The following TK2 variants were observed in gnomAD, a reference collection of about 807,000 sequenced individuals.
The protein encoded by TK2 is thymidine kinase 2.
A neutral mutation model predicts 41.9 loss-of-function variants in TK2; 35 were observed. The ratio of observed to expected loss-of-function variants is 0.84; its 90% CI spans 0.64 to 1.11. The LOEUF is 1.11. TK2 is among the 50% of genes least tolerant of loss of function. The probability of loss-of-function intolerance (pLI) is 0.00; values close to 1 mark genes in which losing one functional copy is unlikely to be tolerated. For missense variants in TK2, 320 were observed against 351.1 expected, an observed-to-expected ratio of 0.91 and a Z score of 0.71; for synonymous variants, 128 against 129.1, an observed-to-expected ratio of 0.99 and a Z score of 0.06.
intron 5 of TK2, 71 bp downstream of exon 5, chr16:66,531,309 T>A: frequency 6.7e-7 from 1 of 1,481,806 alleles, no homozygotes; most frequent in African/African-American, 1.4e-5. Flanking sequence ...AAGTTTCCCT[T>A]CCTGGCAATC....
intron 5 of TK2, among the ~76,000 whole-genome samples, chr16:66,529,710 C>A (rs1374794296): frequency 1.3e-5 from 2 of 152,204 alleles, no homozygotes; most frequent in Non-Finnish European, 2.9e-5. Context: ...CACACTAACA[C>A]TACTCTCACT....
intron 3 of TK2, 106 bp from the exon 4 acceptor site, chr16:66,537,123 A>G: frequency 6.6e-7 from 1 of 1,510,784 alleles, no homozygotes; most frequent in Non-Finnish European, 9.1e-7. Flanking sequence ...AAGAGAGAAA[A>G]AGACTATCCA....
At position 66,531,454 on chromosome 16, in the gene TK2, C is replaced by T. The variant is rs148450491; in HGVS notation, c.301G>A (p.Asp101Asn). The change falls in exon 5 of 10, where the codon GAT becomes AAT. Residue 101 changes from aspartate to asparagine, a missense_variant. Physicochemically the swap from Asp to Asn is conservative, Grantham distance 23. Coordinates refer to ENST00000544898, the MANE Select transcript of TK2 (RefSeq NM_004614.5). Reference protein sequence around the residue: ...GHNPLGLMYHDASRWGLTLQT... With the variant: ...GHNPLGLMYHNASRWGLTLQT... ...AGCGTAAGACCCCAGCGAGAGGCAT[C>T]GTGGTACATCAGGCCCTGCAGAAGG... 8.9e-5 allele frequency: 144 copies of T among 1,614,130 alleles called. No individual in the cohort carries two copies. In the East Asian group the frequency reaches 2.3e-3, roughly 26 times the overall value.
At chr16:66,542,989 C>A (rs1261123092) in intron 2 of TK2, among the ~76,000 whole-genome samples, 1 of 152,210 alleles carries the variant, frequency 6.6e-6, no homozygotes, top group Non-Finnish European at 1.5e-5. Context: ...TCTCCTGCCT[C>A]AGCCTCCCGA....
At chr16:66,528,763 C>A (rs578176334) in intron 6 of TK2, among the ~76,000 whole-genome samples, 1 of 152,174 alleles carries the variant, frequency 6.6e-6, no homozygotes, top group Non-Finnish European at 1.5e-5. Context: ...CTCATTGAGC[C>A]TAGCCAAGGT....
At position 66,521,078 on chromosome 16, in the gene TK2, T is replaced by C. The variant is rs78849770; in HGVS notation, c.450-3201A>G. 5.3e-3 allele frequency among the ~76,000 whole-genome samples: 807 copies of C among 152,300 alleles called. 4 individuals carry two copies. The highest frequency in any genetic ancestry group is 7.9e-3 in the South Asian group (38 of 4,826). On this transcript the variant is annotated intron_variant, in intron 6 of 9. Coordinates refer to ENST00000544898, the MANE Select transcript of TK2 (RefSeq NM_004614.5). ...CTGGACTAGCCACCGGAGTACCTCA[T>C]GCGTCTGCACAGCTCGAGGGAGACT... is the stretch of plus-strand genomic sequence containing the variant.
At chr16:66,535,654 C>A (rs1166195162) in intron 4 of TK2, among the ~76,000 whole-genome samples, 1 of 152,216 alleles carries the variant, frequency 6.6e-6, no homozygotes, top group Non-Finnish European at 1.5e-5. Context: ...TGCCTCCCCA[C>A]ACTGGAATAT....
At chr16:66,544,614 G>T (rs986917517) in intron 2 of TK2, among the ~76,000 whole-genome samples, 1 of 152,094 alleles carries the variant, frequency 6.6e-6, no homozygotes, top group Admixed American at 6.5e-5. Context: ...GCACATGGCC[G>T]GCCTGGCCCA....
At position 66,517,672 on chromosome 16, in the gene TK2, G is replaced by C. The variant is rs1001854089; in HGVS notation, c.538+117C>G. ...AGAAAGCTGAACTCCCATGGGGAAG[G>C]AACTGCCAAGGGCAAGTGCCTCACC... On this transcript the variant is annotated intron_variant, in intron 7 of 9. Transcript: ENST00000544898. The surrounding 1 kb of genome is among the most constrained non-coding windows in gnomAD (Gnocchi z 4.3). 1 of 915,106 alleles carries C rather than the reference G, an allele frequency of 1.1e-6. No individual in the cohort carries two copies. The highest frequency in any genetic ancestry group is 1.6e-5 in the African/African-American group (1 of 61,330). 56.7% of individuals were successfully genotyped at this position (915,106 alleles called of 1,614,324 possible).
intron 4 of TK2, among the ~76,000 whole-genome samples, chr16:66,536,665 G>A (rs1404705353): frequency 6.6e-6 from 1 of 152,166 alleles, no homozygotes; most frequent in Non-Finnish European, 1.5e-5. Context: ...CTAGGGGAGG[G>A]GAAGGCTGGA....
At chr16:66,526,757 TA>T (rs1322070199) in intron 6 of TK2, among the ~76,000 whole-genome samples, 6 of 151,660 alleles carry the variant, frequency 4.0e-5, no homozygotes, top group African/African-American at 1.2e-4. Flanking sequence ...ATCTCAAAAA[TA>T]AAAAAAGCAA....
At chr16:66,539,076 C>T (rs1965373318) in intron 3 of TK2, among the ~76,000 whole-genome samples, 1 of 152,196 alleles carries the variant, frequency 6.6e-6, no homozygotes, top group African/African-American at 2.4e-5. Flanking sequence ...GGGCAAATAG[C>T]AGTATACTCA....
At chr16:66,547,028 T>C (rs763011490) in intron 2 of TK2, among the ~76,000 whole-genome samples, 16 of 152,208 alleles carry the variant, frequency 1.1e-4, no homozygotes, top group Non-Finnish European at 2.1e-4. Flanking sequence ...GCTGGGATTA[T>C]AGGCATGAGC....
intron 1 of TK2, 126 bp downstream of exon 1, chr16:66,549,812 A>C: frequency 1.6e-6 from 2 of 1,286,344 alleles, no homozygotes; most frequent in South Asian, 5.4e-5. Context: ...TCCCAGCCGC[A>C]GCCGGGGAGG....
chr16:66,535,963 G>A (rs904313756), intron 4 of TK2, among the ~76,000 whole-genome samples: 1 of 152,132 alleles, frequency 6.6e-6, no homozygotes, highest in African/African-American at 2.4e-5. Context: ...CCAGCACTTT[G>A]GGAGGCTGAG....
chr16:66,518,605 C>T (rs1209385673), intron 6 of TK2, among the ~76,000 whole-genome samples: 1 of 152,178 alleles, frequency 6.6e-6, no homozygotes, highest in Admixed American at 6.5e-5. Flanking sequence ...CAATAAAAAA[C>T]TAAATCTTGG....
At chr16:66,549,657 G>A in intron 1 of TK2, 1 of 1,211,434 alleles carries the variant, frequency 8.3e-7, no homozygotes, top group Non-Finnish European at 1.0e-6. Context: ...CAGGAAATGG[G>A]TCGGGGGACC....
rs1319048828 is a variant in TK2, at chr16:66,509,948, C to A, written c.*2020G>T. 1 of 152,270 alleles carries A rather than the reference C, an allele frequency of 6.6e-6. No individual in the cohort carries two copies. The highest frequency in any genetic ancestry group is 1.5e-5 in the Non-Finnish European group (1 of 68,088). The allele number at this position is 152,270 out of a possible 1,614,324, so 9.4% of individuals were successfully genotyped here. Reference sequence around the variant, plus strand: ...CCTGCCCTGGCCACTGCTGATGCGTCCAGCCTCCTCTCCAAGGTGGAAGGC... The same window carrying A: ...CCTGCCCTGGCCACTGCTGATGCGTACAGCCTCCTCTCCAAGGTGGAAGGC... On this transcript the variant is annotated 3_prime_UTR_variant, in exon 10 of 10. Coordinates refer to ENST00000544898, the MANE Select transcript of TK2 (RefSeq NM_004614.5).
chr16:66,549,958 T>C lies in TK2; in HGVS notation c.104A>G (p.Gln35Arg), dbSNP rs1383669890. ...PASGPGPRRVQRRAWPPDKEQ... is the reference protein window; with the variant it reads ...PASGPGPRRVRRRAWPPDKEQ... Reference sequence around the variant, plus strand: ...GTTACCGGGAGGCCAGGCCCGGCGCTGCACCCTCCGCGGCCCGGGGCCTGA... The same window carrying C: ...GTTACCGGGAGGCCAGGCCCGGCGCCGCACCCTCCGCGGCCCGGGGCCTGA... The change falls in exon 1 of 10, where the codon CAG becomes CGG. Residue 35 changes from glutamine to arginine, a missense_variant. By Grantham distance (43) the Gln-to-Arg change is conservative. Coordinates refer to ENST00000544898, the MANE Select transcript of TK2 (RefSeq NM_004614.5). 6.9e-7 allele frequency: 1 copy of C among 1,450,660 alleles called. No individual in the cohort carries two copies. The highest frequency in any genetic ancestry group is 1.4e-5 in the South Asian group (1 of 69,272). 89.9% of individuals were successfully genotyped at this position (1,450,660 alleles called of 1,614,324 possible).
Sources: gnomAD v4.1 joint callset for allele counts (sites outside exome capture counted in the v4.1 genomes callset) on GRCh38, gnomAD v4.1.1 for gene constraint, Gnocchi (gnomAD v3.1) non-coding constraint, MANE v1.5 for transcripts, NCBI Gene and HGNC (gene_info 2026-07-23, HGNC 2026-07-21) for gene names.